Variants in TRPM3 observed in about 807,000 individuals in gnomAD.
TRPM3 encodes the protein transient receptor potential cation channel subfamily M member 3.
Under a neutral mutation model 181.2 loss-of-function variants are expected in TRPM3, and 77 were observed. The ratio of observed to expected loss-of-function variants is 0.42; its 90% CI spans 0.35 to 0.51. The LOEUF (loss-of-function observed/expected upper bound fraction) is 0.51, where lower values mean the gene tolerates loss of function less well. Among genes scored for constraint, TRPM3 ranks in the 20% least tolerant of loss-of-function variants. TRPM3 has a pLI of 0.01. For missense variants in TRPM3, 1,759 were observed against 2,196.7 expected (o/e 0.80, Z 3.98); for synonymous variants, 745 against 796.4 (o/e 0.94, Z 1.09).
At chr9:70,880,941 T>A (rs530258765) in intron 1 of TRPM3, among the ~76,000 whole-genome samples, 1 of 152,254 alleles carries the variant, frequency 6.6e-6, no homozygotes, top group South Asian at 2.1e-4. Context: ...GGGACAGATT[T>A]TTCCTTTGCT....
chr9:71,133,782 A>G (rs1339267886), intron 1 of TRPM3, among the ~76,000 whole-genome samples: 2 of 152,126 alleles, frequency 1.3e-5, no homozygotes, highest in Non-Finnish European at 2.9e-5. Flanking sequence ...TCTAGCAGCC[A>G]TTTTCTTTAT....
intron 1 of TRPM3, among the ~76,000 whole-genome samples, chr9:70,958,565 T>A (rs1024012293): frequency 1.1e-4 from 16 of 152,188 alleles, no homozygotes; most frequent in Non-Finnish European, 2.1e-4. Context: ...GTCTTTTGGC[T>A]GCATAAATGT....
chr9:70,787,763 C>CTTTTTTTTTTTTTTTTTTTTTTTCTTTT, intron 6 of TRPM3, among the ~76,000 whole-genome samples: 1 of 68,556 alleles, frequency 1.5e-5, no homozygotes, highest in African/African-American at 5.8e-5. Flanking sequence ...TTTTTGGATT[C>CTTTTTTTTTTTTTTTTTTTTTTTCTTTT]TTTTTTTTTT....
rs1392859607 is a variant in TRPM3 at position 70,629,220 on chromosome 9, G to GC, written c.1633-3704_1633-3703insG. Among the ~76,000 whole-genome samples, 35 of 75,238 alleles carry GC rather than the reference G, an allele frequency of 4.7e-4. 1 individual carries two copies. Among genetic ancestry groups the GC allele is most frequent in the Non-Finnish European group, 6.5e-4 (22 of 33,740 alleles). The allele number at this position is 75,238 out of a possible 152,430, so 49.4% of individuals were successfully genotyped here. ...AATGATTCTGTGACCAGTGCCGGGGGGGGGGGGGGCCTGCGTTCTGTTTGA... is the reference window on the plus strand; with the variant it reads ...AATGATTCTGTGACCAGTGCCGGGGGCGGGGGGGGGCCTGCGTTCTGTTTGA... On this transcript the variant is annotated intron_variant, in intron 12 of 25. Coordinates refer to ENST00000677713, the MANE Select transcript of TRPM3 (RefSeq NM_001366145.2).
At chr9:70,968,016 A>C (rs116171879) in intron 1 of TRPM3, among the ~76,000 whole-genome samples, 230 of 152,218 alleles carry the variant, frequency 1.5e-3, no homozygotes, top group African/African-American at 5.2e-3. Context: ...TCTCCAGGCC[A>C]TCCAAGTCCT....
At chr9:70,989,968 G>A (rs2097461091) in intron 1 of TRPM3, among the ~76,000 whole-genome samples, 3 of 152,232 alleles carry the variant, frequency 2.0e-5, no homozygotes, top group Admixed American at 6.5e-5. Context: ...CCTTATGTGT[G>A]TTAATTTGTT....
intron 1 of TRPM3, among the ~76,000 whole-genome samples, chr9:70,999,125 C>T (rs2097573817): frequency 6.6e-6 from 1 of 152,186 alleles, no homozygotes; most frequent in Admixed American, 6.5e-5. Flanking sequence ...GAAGAGAGCA[C>T]ACTGGGATGA....
At chr9:71,214,244 G>A (rs1460375506) in intron 1 of TRPM3, among the ~76,000 whole-genome samples, 1 of 152,178 alleles carries the variant, frequency 6.6e-6, no homozygotes, top group African/African-American at 2.4e-5. Flanking sequence ...TGGAAAAGGA[G>A]CAATAGTTGT....
intron 1 of TRPM3, among the ~76,000 whole-genome samples, chr9:70,882,693 A>G (rs1255994666): frequency 3.9e-5 from 6 of 152,156 alleles, no homozygotes; most frequent in Non-Finnish European, 8.8e-5. Flanking sequence ...CCTGTTCTCA[A>G]GTTCTTGGAA....
rs985604829 is a variant in TRPM3 at position 71,185,584 on chromosome 9, C to T, written c.183+261069G>A. ...AGGACAGCCTTTGAACAAAGCTTCT[C>T]CTGGAGCAATCTAAAGCAAGGTAAT... On this transcript the variant is annotated intron_variant, in intron 1 of 24. Transcript: ENST00000357533. Among the ~76,000 whole-genome samples the T allele has an allele frequency of 2.6e-5, 4 of 152,024 alleles. No homozygotes were observed. The East Asian group carries it at 5.8e-4, about 22-fold the overall frequency.
At chr9:70,786,311 C>CAAAAAAAAAAAAAAAAAAA (rs71367227) in intron 6 of TRPM3, among the ~76,000 whole-genome samples, 15 of 54,458 alleles carry the variant, frequency 2.8e-4, no homozygotes, top group African/African-American at 7.0e-4. Flanking sequence ...CTAAAAATAC[C>CAAAAAAAAAAAAAAAAAAA]AAAAAAAAAA....
chr9:70,973,278 C>T (rs2097264677), intron 1 of TRPM3, among the ~76,000 whole-genome samples: 1 of 152,138 alleles, frequency 6.6e-6, no homozygotes, highest in Non-Finnish European at 1.5e-5. Flanking sequence ...CACTGCTTAT[C>T]CTGCTTCCTT....
chr9:70,874,052 T>C (rs2132602443), intron 1 of TRPM3, among the ~76,000 whole-genome samples: 1 of 152,090 alleles, frequency 6.6e-6, no homozygotes, highest in Admixed American at 6.6e-5. Flanking sequence ...TAGATTATGT[T>C]TTTATCATCT....
chr9:70,777,570 CTA>C (rs2081598951), intron 7 of TRPM3, among the ~76,000 whole-genome samples: 1 of 152,112 alleles, frequency 6.6e-6, no homozygotes, highest in Non-Finnish European at 1.5e-5. Context: ...GGCAATATAT[CTA>C]TGTCTTTATA....
At chr9:70,898,809 C>T (rs528101761) in intron 1 of TRPM3, among the ~76,000 whole-genome samples, 3 of 151,466 alleles carry the variant, frequency 2.0e-5, no homozygotes, top group African/African-American at 7.3e-5. Context: ...TTACTGGTTT[C>T]GTTCTACTTC....
chr9:71,443,768 G>C (rs1037152148), intron 1 of TRPM3, among the ~76,000 whole-genome samples: 2 of 152,138 alleles, frequency 1.3e-5, no homozygotes, highest in Non-Finnish European at 2.9e-5. Flanking sequence ...CATACCAAAA[G>C]AGCATGCCTC....
At chr9:71,377,289 AT>A (rs2092689698) in intron 1 of TRPM3, among the ~76,000 whole-genome samples, 1 of 152,114 alleles carries the variant, frequency 6.6e-6, no homozygotes, top group Non-Finnish European at 1.5e-5. Flanking sequence ...CCTCTAAGAA[AT>A]TATTTTTTAA....
At chr9:70,647,587 A>T (rs944992136) in intron 9 of TRPM3, among the ~76,000 whole-genome samples, 5 of 152,230 alleles carry the variant, frequency 3.3e-5, no homozygotes, top group Non-Finnish European at 7.3e-5. Context: ...CCACCATCAT[A>T]CTGAACAGGC....
chr9:70,876,764 G>A (rs1445080688), intron 1 of TRPM3, among the ~76,000 whole-genome samples: 1 of 151,790 alleles, frequency 6.6e-6, no homozygotes, highest in Non-Finnish European at 1.5e-5. Context: ...ATATTGTGCT[G>A]GCTTTCTAAT....
Sources: gnomAD v4.1 joint callset for allele counts (sites outside exome capture counted in the v4.1 genomes callset) on GRCh38, gnomAD v4.1.1 for gene constraint, MANE v1.5 for transcripts, NCBI Gene and HGNC (gene_info 2026-07-23, HGNC 2026-07-21) for gene names.